Variants in MMP2 observed in about 807,000 individuals in gnomAD.
MMP2 encodes matrix metallopeptidase 2, also known as 72 kDa type IV collagenase.
MMP2 carries 39 observed loss-of-function variants against 74.8 expected under a neutral mutation model. The ratio of observed to expected loss-of-function variants is 0.52; its 90% CI spans 0.40 to 0.68. The LOEUF is 0.68. Among genes scored for constraint, MMP2 ranks in the 30% least tolerant of loss-of-function variants. The pLI is 0.00. For synonymous variants in MMP2, 367 were observed against 339.8 expected (o/e 1.08, Z -0.88); for missense variants, 803 against 878.3 (o/e 0.91, Z 1.08).
In MMP2 at chr16:55,492,750, A is replaced by G. The variant is rs76510666; in HGVS notation, c.1337-408A>G. ...CTCATCTCTAAAATAATTGCTTATC[A>G]TGAAAAGTGCCATACTGTCAGTTCT... On this transcript the variant is annotated intron_variant, in intron 8 of 12. Transcript: ENST00000219070. Among the ~76,000 whole-genome samples the G allele has an allele frequency of 8.8e-3, 1,345 of 152,180 alleles. 21 individuals are homozygous for G. Among genetic ancestry groups the G allele is most frequent in the African/African-American group, 0.03 (1,235 of 41,516 alleles).
intron 3 of MMP2, among the ~76,000 whole-genome samples, chr16:55,484,964 C>T (rs1239928484): frequency 7.2e-5 from 11 of 151,952 alleles, no homozygotes; most frequent in African/African-American, 1.9e-4. Flanking sequence ...ATGGCATAGA[C>T]ACTGGGGATG....
chr16:55,480,787 C>G (rs937441420), intron 1 of MMP2, among the ~76,000 whole-genome samples: 3 of 152,178 alleles, frequency 2.0e-5, no homozygotes, highest in Admixed American at 1.3e-4. Context: ...ACTACCCTCT[C>G]CCAACTCTCA....
chr16:55,492,679 C>G (rs570501666), intron 8 of MMP2, among the ~76,000 whole-genome samples: 12 of 152,130 alleles, frequency 7.9e-5, no homozygotes, highest in African/African-American at 2.9e-4. Flanking sequence ...CCTTCACTAG[C>G]TGCAAGATAT....
chr16:55,483,788 G>A (rs763580874), intron 2 of MMP2, among the ~76,000 whole-genome samples: 1 of 152,174 alleles, frequency 6.6e-6, no homozygotes, highest in African/African-American at 2.4e-5. Context: ...TGGGAGGGTT[G>A]TCCTTGGCAG....
chr16:55,488,325 C>A, intron 5 of MMP2: 1 of 583,938 alleles, frequency 1.7e-6, no homozygotes. Flanking sequence ...TTGGGTGGTC[C>A]ACAAGGTCCC....
chr16:55,502,881 G>T lies in MMP2; in HGVS notation c.1872G>T (p.Gln624His). The change falls in exon 12 of 13, where the codon CAG becomes CAT. Residue 624 changes from glutamine to histidine, a missense_variant. By Grantham distance (24) the Gln-to-His change is conservative (BLOSUM62 0). This residue lies in a region of MMP2 where 555 missense variants were observed against 592.0 expected (regional missense o/e 0.94). Coordinates refer to ENST00000219070, the MANE Select transcript of MMP2 (RefSeq NM_004530.6). ...PDNLDAVVDL[Q>H]GGGHSYFFKG... The stretch of plus-strand genomic sequence containing the variant: ...ACCTGGATGCCGTCGTGGACCTGCA[G>T]GGCGGCGGTGAGCCACCCAGGACTG... 1 of 1,613,308 alleles carries T rather than the reference G, an allele frequency of 6.2e-7. No individual in the cohort carries two copies. The highest frequency in any genetic ancestry group is 1.1e-5 in the South Asian group (1 of 91,058).
Position 55,481,745 on chromosome 16 carries a change from G to C in MMP2, c.154-1164G>C, listed in dbSNP as rs1962108676. 1.0e-5 allele frequency: 7 copies of C among 669,124 alleles called. No individual in the cohort carries two copies. In the African/African-American group the frequency reaches 1.1e-4, roughly 10 times the overall value. The allele number at this position is 669,124 out of a possible 1,614,324, so 41.4% of individuals were successfully genotyped here. On this transcript the variant is annotated intron_variant, in intron 1 of 12. Coordinates refer to ENST00000219070, the MANE Select transcript of MMP2 (RefSeq NM_004530.6). ...TTAGACCGCTTGGCTTCAAATCAAA[G>C]AGTGCATGAACCAACCAGCTGGCCT...
chr16:55,493,087 C>T (rs1962451133), intron 8 of MMP2, 71 bp from the exon 9 acceptor site: 2 of 1,594,912 alleles, frequency 1.3e-6, no homozygotes, highest in East Asian at 4.5e-5. Flanking sequence ...GGGTGGGCAC[C>T]CCTGGGGGCT....
chr16:55,485,355 GC>G lies in MMP2; in HGVS notation c.590del (p.Pro197GlnfsTer27). ...GGACGGACTCCTGGCTCATGCCTTC[GC>G]CCCAGGCACTGGTGTTGGGGGAGAC... is the stretch of plus-strand genomic sequence containing the variant. ...GKDGLLAHAF[A>X]PGTGVGGDSH... On this transcript the variant is annotated frameshift_variant, in exon 4 of 13. Coordinates refer to ENST00000219070, the MANE Select transcript of MMP2 (RefSeq NM_004530.6). LOFTEE classifies it high-confidence loss of function. 6.2e-7 allele frequency: 1 copy of G among 1,614,080 alleles called. No individual in the cohort carries two copies. The highest frequency in any genetic ancestry group is 8.5e-7 in the Non-Finnish European group (1 of 1,180,006).
At chr16:55,483,407 T>C (rs1962157924) in intron 2 of MMP2, among the ~76,000 whole-genome samples, 1 of 152,222 alleles carries the variant, frequency 6.6e-6, no homozygotes, top group South Asian at 2.1e-4. Flanking sequence ...CCTTATATGG[T>C]ATGTTGGGGA....
intron 11 of MMP2, 107 bp downstream of exon 11, chr16:55,498,555 C>G (rs1962589556): frequency 2.1e-6 from 3 of 1,435,940 alleles, no homozygotes; most frequent in Non-Finnish European, 2.9e-6. Flanking sequence ...TTGGTGGGCT[C>G]TGGATGCCCT....
Position 55,505,319 on chromosome 16 carries a change from C to G in MMP2, c.1880-20C>G. On this transcript the variant is annotated intron_variant, in intron 12 of 12. Transcript: ENST00000219070. ...AATGTCAGGATAAGGGGGTCACGGT[C>G]TCTTCTTTCTCTATCCCAGGTCACA... 6.2e-7 allele frequency: 1 copy of G among 1,601,516 alleles called. No homozygotes were observed. Among genetic ancestry groups the G allele is most frequent in the South Asian group, 1.1e-5 (1 of 90,806 alleles).
chr16:55,491,249 G>A (rs967250852), intron 7 of MMP2, among the ~76,000 whole-genome samples: 9 of 151,998 alleles, frequency 5.9e-5, no homozygotes, highest in Admixed American at 2.0e-4. Context: ...CTGGGGGGAC[G>A]CATTTAACCA....
chr16:55,504,684 C>G (rs1358716691), intron 12 of MMP2, among the ~76,000 whole-genome samples: 4 of 149,696 alleles, frequency 2.7e-5, no homozygotes, highest in African/African-American at 9.9e-5. Context: ...ACAGAGTCTC[C>G]CTCTGTCGCC....
rs111679205 is a variant in MMP2, at chr16:55,496,888, G to A, written c.1473-38G>A. The A allele has an allele frequency of 2.2e-5, 36 of 1,612,074 alleles. No individual in the cohort carries two copies. In the African/African-American group the frequency reaches 2.9e-4, roughly 13 times the overall value. On this transcript the variant is annotated intron_variant, in intron 9 of 12. Transcript: ENST00000219070. ...GTGTGGTTCGAGCTGCAGGGTGACT[G>A]AAGATGTGGTTTCCTGTGCCCCCTT...
In MMP2 at chr16:55,493,150, C is replaced by T. The variant is rs756758172; in HGVS notation, c.1337-8C>T. On this transcript the variant is annotated splice_region_variant and splice_polypyrimidine_tract_variant and intron_variant, in intron 8 of 12. Transcript: ENST00000219070. ...TGCAGAGAGTCTAAGGTCAGGTGTT[C>T]TCCCCAGGGGCCTCTCCTGACATTG... 1.2e-6 allele frequency: 2 copies of T among 1,613,354 alleles called. No individual in the cohort carries two copies. The highest frequency in any genetic ancestry group is 1.7e-6 in the Non-Finnish European group (2 of 1,179,990).
chr16:55,488,185 A>G (rs974895363), intron 5 of MMP2: 9 of 304,550 alleles, frequency 3.0e-5, no homozygotes, highest in Non-Finnish European at 4.4e-5. Flanking sequence ...TGATATATTC[A>G]TGTCATACAT....
At chr16:55,490,173 G>A (rs1962369452) in intron 7 of MMP2, among the ~76,000 whole-genome samples, 1 of 152,142 alleles carries the variant, frequency 6.6e-6, no homozygotes. Flanking sequence ...ACCAAAATTG[G>A]CTGAATTCTG....
chr16:55,493,317 G>A (rs760204598), intron 9 of MMP2, 24 bp downstream of exon 9: 4 of 1,613,884 alleles, frequency 2.5e-6, no homozygotes, highest in Admixed American at 1.7e-5. Flanking sequence ...CTTGCTTCTT[G>A]TCCTCCTTGT....
Sources: allele counts gnomAD v4.1 joint callset (sites outside exome capture counted in the v4.1 genomes callset), GRCh38; gene constraint gnomAD v4.1.1; regional missense constraint gnomAD v4.1.1; transcripts MANE v1.5; gene names NCBI Gene and HGNC (gene_info 2026-07-23, HGNC 2026-07-21).